Variants in BTBD9 observed in about 807,000 individuals in gnomAD.
BTBD9 encodes BTB/POZ domain-containing protein 9.
A neutral mutation model predicts 64.3 loss-of-function variants in BTBD9; 49 were observed. The observed-to-expected ratio is 0.76, with a 90% CI of 0.61 to 0.97. The LOEUF (loss-of-function observed/expected upper bound fraction) is 0.97. BTBD9 is among the 50% of genes least tolerant of loss of function. BTBD9 has a pLI of 0.00. For synonymous variants in BTBD9, 260 were observed against 274.7 expected (o/e 0.95, Z 0.53); for missense variants, 598 against 762.1 (o/e 0.78, Z 2.53).
chr6:38,201,678 T>C (rs1762465927), intron 9 of BTBD9, among the ~76,000 whole-genome samples: 1 of 152,206 alleles, frequency 6.6e-6, no homozygotes, highest in Non-Finnish European at 1.5e-5. Flanking sequence ...TGACATCTTA[T>C]ATTCAGAAAG....
intron 6 of BTBD9, among the ~76,000 whole-genome samples, chr6:38,502,831 G>A (rs962888716): frequency 2.6e-5 from 4 of 152,156 alleles, no homozygotes; most frequent in Admixed American, 2.6e-4. Context: ...CGTTAACTGA[G>A]TGCCTGTTAC....
At chr6:38,452,709 G>A (rs1769613843) in intron 6 of BTBD9, among the ~76,000 whole-genome samples, 1 of 152,004 alleles carries the variant, frequency 6.6e-6, no homozygotes, top group South Asian at 2.1e-4. Context: ...AACAAAAGGG[G>A]TGCCATGAAG....
At chr6:38,312,257 T>C (rs1164136388) in intron 7 of BTBD9, among the ~76,000 whole-genome samples, 1 of 152,248 alleles carries the variant, frequency 6.6e-6, no homozygotes, top group Non-Finnish European at 1.5e-5. Flanking sequence ...TCGGATTATT[T>C]GATTGTTTTC....
chr6:38,527,289 AAAAAAAAG>A lies in BTBD9; in HGVS notation c.1154+50303_1154+50310del, dbSNP rs1187917014. On this transcript the variant is annotated intron_variant, in intron 6 of 10. Coordinates refer to ENST00000481247, the MANE Select transcript of BTBD9 (RefSeq NM_001099272.2). ...AAAAAAAAAAAAAAAAAAAAAAAAAAAAAAAAAGATGTGATTTGGTGGGGGCCAGGGCA... is the reference window on the plus strand; with the variant it reads ...AAAAAAAAAAAAAAAAAAAAAAAAAAATGTGATTTGGTGGGGGCCAGGGCA... Among the ~76,000 whole-genome samples the A allele has an allele frequency of 3.3e-3, 492 of 149,414 alleles. 2 individuals are homozygous for A. The highest frequency in any genetic ancestry group is 1.0e-2 in the African/African-American group (397 of 39,896).
At chr6:38,415,991 G>C (rs1484234133) in intron 6 of BTBD9, among the ~76,000 whole-genome samples, 4 of 152,194 alleles carry the variant, frequency 2.6e-5, no homozygotes, top group Non-Finnish European at 5.9e-5. Context: ...GAACCAGACA[G>C]ATTGGCTAGA....
At chr6:38,316,982 T>A (rs1007946027) in intron 7 of BTBD9, among the ~76,000 whole-genome samples, 1 of 152,174 alleles carries the variant, frequency 6.6e-6, no homozygotes, top group Non-Finnish European at 1.5e-5. Context: ...GGTAAAAGGT[T>A]TTCCTTTAGC....
At chr6:38,402,945 C>G (rs1264406264) in intron 6 of BTBD9, 1 of 656,974 alleles carries the variant, frequency 1.5e-6, no homozygotes, top group East Asian at 2.7e-5. Context: ...TGGTGGTGTG[C>G]ACCTGTCATC....
chr6:38,258,951 T>C (rs1035118688), intron 8 of BTBD9, among the ~76,000 whole-genome samples: 1 of 152,232 alleles, frequency 6.6e-6, no homozygotes, highest in Non-Finnish European at 1.5e-5. Context: ...ATTTCTTTAA[T>C]GTTAACTGTG....
At chr6:38,178,922 A>T (rs986169136) in intron 10 of BTBD9, among the ~76,000 whole-genome samples, 2 of 151,972 alleles carry the variant, frequency 1.3e-5, no homozygotes, top group South Asian at 4.2e-4. Context: ...GGGCTATCTC[A>T]GCTCACTGCA....
chr6:38,593,353 C>G (rs771165647), intron 3 of BTBD9, among the ~76,000 whole-genome samples: 1 of 152,084 alleles, frequency 6.6e-6, no homozygotes, highest in South Asian at 2.1e-4. Context: ...TAGGATAACA[C>G]AGATCTTAAT....
rs576537853 is a variant in BTBD9 at position 38,589,572 on chromosome 6, C to T, written c.814+3004G>A. Among the ~76,000 whole-genome samples the T allele has an allele frequency of 2.0e-5, 3 of 152,318 alleles. No homozygotes were observed. In the East Asian group the frequency reaches 5.8e-4, roughly 29 times the overall value. On this transcript the variant is annotated intron_variant, in intron 4 of 10. Coordinates refer to ENST00000481247, the MANE Select transcript of BTBD9 (RefSeq NM_001099272.2). ...CTTAACTAGTACCATTCTCTAGCACCTCTGATTTCTTCCTGGACCTCTCCC... is the reference window on the plus strand; with the variant it reads ...CTTAACTAGTACCATTCTCTAGCACTTCTGATTTCTTCCTGGACCTCTCCC...
intron 10 of BTBD9, among the ~76,000 whole-genome samples, chr6:38,181,795 C>T (rs1419829359): frequency 6.6e-6 from 1 of 152,046 alleles, no homozygotes; most frequent in Non-Finnish European, 1.5e-5. Flanking sequence ...CGAGACCAGC[C>T]CGGCCGACGT....
intron 7 of BTBD9, among the ~76,000 whole-genome samples, chr6:38,329,340 T>C (rs78119845): frequency 6.9e-6 from 1 of 144,490 alleles, no homozygotes; most frequent in South Asian, 2.3e-4. Context: ...TTTTTTTTTT[T>C]GAGACAGAAT....
At chr6:38,630,831 A>G (rs759497789) in intron 1 of BTBD9, among the ~76,000 whole-genome samples, 2 of 152,218 alleles carry the variant, frequency 1.3e-5, no homozygotes, top group Non-Finnish European at 2.9e-5. Flanking sequence ...GGATCTACTT[A>G]GGACCTTACT....
chr6:38,180,320 G>A (rs1002614369), intron 10 of BTBD9, among the ~76,000 whole-genome samples: 3 of 152,228 alleles, frequency 2.0e-5, no homozygotes, highest in Admixed American at 1.3e-4. Flanking sequence ...GCGTGAAGCT[G>A]CCTCCGGCCC....
chr6:38,599,437 C>A (rs1777171466), intron 1 of BTBD9, among the ~76,000 whole-genome samples: 1 of 152,148 alleles, frequency 6.6e-6, no homozygotes, highest in Non-Finnish European at 1.5e-5. Context: ...AGGTGTACAC[C>A]ATCATGGCCA....
intron 6 of BTBD9, among the ~76,000 whole-genome samples, chr6:38,353,502 G>A (rs748637369): frequency 2.6e-5 from 4 of 152,224 alleles, no homozygotes; most frequent in East Asian, 1.9e-4. Context: ...CCCCTTCTCC[G>A]TCTCTGTTAT....
intron 8 of BTBD9, among the ~76,000 whole-genome samples, chr6:38,280,069 T>C (rs1931767): frequency 0.71 from 108,272 of 152,004 alleles, 39,282 homozygotes; most frequent in African/African-American, 0.85. Context: ...ATTCTAGTGC[T>C]CCTCCTGTAT....
chr6:38,353,837 A>G (rs1468417427), intron 6 of BTBD9, among the ~76,000 whole-genome samples: 1 of 152,190 alleles, frequency 6.6e-6, no homozygotes, highest in African/African-American at 2.4e-5. Flanking sequence ...TAGTTTCCCT[A>G]TGAATCTATA....
Sources: gnomAD v4.1 joint callset for allele counts (sites outside exome capture counted in the v4.1 genomes callset) on GRCh38, gnomAD v4.1.1 for gene constraint, MANE v1.5 for transcripts, NCBI Gene and HGNC (gene_info 2026-07-23, HGNC 2026-07-21) for gene names.